PPP1R12B: variants seen among roughly 807,000 people sequenced by gnomAD.
PPP1R12B encodes protein phosphatase 1 regulatory subunit 12B.
Under a neutral mutation model 126.1 loss-of-function variants are expected in PPP1R12B, and 76 were observed. The ratio of observed to expected loss-of-function variants is 0.60; its 90% CI spans 0.50 to 0.73. The LOEUF is 0.73. Among genes scored for constraint, PPP1R12B ranks in the 30% least tolerant of loss-of-function variants. The pLI is 0.00. For synonymous variants in PPP1R12B, 356 were observed against 434.7 expected (o/e 0.82, Z 2.25); for missense variants, 1,052 against 1,205.1 (o/e 0.87, Z 1.88).
At chr1:202,446,454 C>T (rs960982666) in intron 12 of PPP1R12B, among the ~76,000 whole-genome samples, 22 of 148,326 alleles carry the variant, frequency 1.5e-4, no homozygotes, top group African/African-American at 1.7e-4. Context: ...GGGGTTTCAC[C>T]GTGTTATCCA....
intron 1 of PPP1R12B, among the ~76,000 whole-genome samples, chr1:202,403,396 G>A (rs1245168431): frequency 5.3e-5 from 8 of 152,054 alleles, no homozygotes; most frequent in Non-Finnish European, 8.8e-5. Flanking sequence ...TAAAATTTTC[G>A]AGAAGAAATT....
At chr1:202,541,042 C>T (rs1402961880) in intron 18 of PPP1R12B, among the ~76,000 whole-genome samples, 2 of 152,188 alleles carry the variant, frequency 1.3e-5, no homozygotes, top group Non-Finnish European at 2.9e-5. Flanking sequence ...GCAAGAACTG[C>T]TACCAATAGC....
chr1:202,445,451 G>A (rs1672108725), intron 12 of PPP1R12B, among the ~76,000 whole-genome samples: 1 of 152,096 alleles, frequency 6.6e-6, no homozygotes, highest in South Asian at 2.1e-4. Flanking sequence ...CTTGGTGTTT[G>A]GACATCAGCT....
At chr1:202,443,990 G>C (rs998455058) in intron 12 of PPP1R12B, among the ~76,000 whole-genome samples, 4 of 152,154 alleles carry the variant, frequency 2.6e-5, no homozygotes, top group African/African-American at 9.7e-5. Context: ...TGTACAACTT[G>C]CTTCATATCT....
At chr1:202,399,382 A>G (rs937815933) in intron 1 of PPP1R12B, among the ~76,000 whole-genome samples, 12 of 151,966 alleles carry the variant, frequency 7.9e-5, no homozygotes, top group Admixed American at 7.2e-4. Flanking sequence ...TAGCATGCTC[A>G]GTGAATTTTT....
rs191582134 is a variant in PPP1R12B at position 202,573,646 on chromosome 1, A to G, written c.2862+4449A>G. 1.6e-4 allele frequency among the ~76,000 whole-genome samples: 24 copies of G among 152,254 alleles called. No homozygotes were observed. The East Asian group carries it at 4.4e-3, about 28-fold the overall frequency. On this transcript the variant is annotated intron_variant, in intron 23 of 23. Coordinates refer to ENST00000608999, the MANE Select transcript of PPP1R12B (RefSeq NM_002481.4). ...CAGTTTCGGGGCAGTGCAGATGACT[A>G]CTTAGGAAGGACAGTAGCAGAGTCG...
intron 13 of PPP1R12B, among the ~76,000 whole-genome samples, chr1:202,449,524 C>T (rs1672672708): frequency 6.6e-6 from 1 of 151,804 alleles, no homozygotes; most frequent in Non-Finnish European, 1.5e-5. Flanking sequence ...GATCTATCCA[C>T]CTCGGCCTCT....
At chr1:202,481,178 C>A (rs1189248694) in intron 13 of PPP1R12B, among the ~76,000 whole-genome samples, 2 of 152,186 alleles carry the variant, frequency 1.3e-5, no homozygotes, top group Non-Finnish European at 2.9e-5. Flanking sequence ...CACTTGCTCA[C>A]CTCCTGCTGT....
At chr1:202,575,766 C>A (rs1434403539) in intron 23 of PPP1R12B, 1 of 152,216 alleles carries the variant, frequency 6.6e-6, no homozygotes. Context: ...ACCCAGGCAT[C>A]AGTATTTTTT....
chr1:202,425,480 T>C, intron 3 of PPP1R12B, 86 bp from the exon 4 acceptor site: 1 of 1,369,054 alleles, frequency 7.3e-7, no homozygotes, highest in South Asian at 1.3e-5. Flanking sequence ...TTTATGTTTA[T>C]GATGTGCTTT....
At chr1:202,476,005 G>A (rs1676595165) in intron 13 of PPP1R12B, among the ~76,000 whole-genome samples, 1 of 152,102 alleles carries the variant, frequency 6.6e-6, no homozygotes, top group African/African-American at 2.4e-5. Context: ...TTCGAGACCA[G>A]TCTCGCCAAC....
rs559748837 is a variant in PPP1R12B, at chr1:202,410,024, C to T, written c.292-6763C>T. The T allele has an allele frequency of 8.5e-5, 13 of 152,118 alleles. No homozygotes were observed. The South Asian group carries it at 2.1e-3, about 24-fold the overall frequency. 9.4% of individuals were successfully genotyped at this position (152,118 alleles called of 1,614,324 possible). A position where few individuals can be genotyped will look rare whatever the true frequency, so the allele number is the denominator to read the frequency against. ...TTTGTTGTTGAGTTTTAGGAGTTCT[C>T]GATATACTCTGGATATTAATCCCAT... On this transcript the variant is annotated intron_variant, in intron 1 of 23. Transcript: ENST00000608999.
At chr1:202,548,822 A>C (rs1411638681) in intron 18 of PPP1R12B, among the ~76,000 whole-genome samples, 9 of 144,256 alleles carry the variant, frequency 6.2e-5, no homozygotes, top group African/African-American at 1.8e-4. Context: ...ATATATATAT[A>C]TATATATATA....
rs1679153527 is a variant in PPP1R12B at position 202,493,417 on chromosome 1, C to T, written c.2145+100C>T. On this transcript the variant is annotated intron_variant, in intron 15 of 23. Coordinates refer to ENST00000608999, the MANE Select transcript of PPP1R12B (RefSeq NM_002481.4). Reference sequence around the variant, plus strand: ...AGTTCAAAGGCTGTGTTCTACCTTGCAATGGACAACTCACTCAGTATGGCT... The same window carrying T: ...AGTTCAAAGGCTGTGTTCTACCTTGTAATGGACAACTCACTCAGTATGGCT... The T allele has an allele frequency of 3.2e-6, 4 of 1,238,588 alleles. No homozygotes were observed. The Admixed American group carries it at 9.9e-5, about 31-fold the overall frequency. 76.7% of individuals were successfully genotyped at this position (1,238,588 alleles called of 1,614,324 possible). A position where few individuals can be genotyped will look rare whatever the true frequency, so the allele number is the denominator to read the frequency against.
intron 8 of PPP1R12B, among the ~76,000 whole-genome samples, chr1:202,433,798 C>T (rs1017771146): frequency 1.2e-4 from 18 of 152,190 alleles, no homozygotes; most frequent in African/African-American, 3.9e-4. Context: ...TTCTACCCCA[C>T]GACTGTTCTC....
At chr1:202,537,979 G>A (rs368087041) in intron 18 of PPP1R12B, among the ~76,000 whole-genome samples, 66 of 152,162 alleles carry the variant, frequency 4.3e-4, no homozygotes, top group African/African-American at 1.6e-3. Flanking sequence ...TAATTGGCAA[G>A]TTGTTTTTGT....
intron 1 of PPP1R12B, among the ~76,000 whole-genome samples, chr1:202,413,186 T>C (rs1667628371): frequency 6.6e-6 from 1 of 151,996 alleles, no homozygotes; most frequent in Admixed American, 6.6e-5. Flanking sequence ...TTGACAGTTT[T>C]AGCTAATCTC....
At chr1:202,356,072 A>G (rs1281823919) in intron 1 of PPP1R12B, among the ~76,000 whole-genome samples, 1 of 152,052 alleles carries the variant, frequency 6.6e-6, no homozygotes, top group East Asian at 1.9e-4. Flanking sequence ...TCCCAGTTAC[A>G]TAGGAGGCTG....
chr1:202,389,577 C>G (rs995672845), intron 1 of PPP1R12B, among the ~76,000 whole-genome samples: 3 of 150,906 alleles, frequency 2.0e-5, no homozygotes, highest in African/African-American at 7.3e-5. Flanking sequence ...GGAGGTGGAG[C>G]TTGCAGTGAG....
Sources: allele counts gnomAD v4.1 joint callset (sites outside exome capture counted in the v4.1 genomes callset), GRCh38; gene constraint gnomAD v4.1.1; transcripts MANE v1.5; gene names NCBI Gene and HGNC (gene_info 2026-07-23, HGNC 2026-07-21).